STK33: variants seen among roughly 807,000 people sequenced by gnomAD.
STK33 encodes the protein serine/threonine-protein kinase 33.
STK33 carries 52 observed loss-of-function variants against 58.0 expected under a neutral mutation model. The observed-to-expected ratio is 0.90, with a 90% confidence interval of 0.72 to 1.13. The LOEUF (loss-of-function observed/expected upper bound fraction) is 1.13, where lower values mean the gene tolerates loss of function less well. STK33 is among the 50% of genes most tolerant of loss of function. The pLI, the probability that STK33 is intolerant of heterozygous loss-of-function variation, is 0.00. For missense variants in STK33, 630 were observed against 604.2 expected (o/e 1.04, Z -0.45); for synonymous variants, 215 against 200.1 (o/e 1.07, Z -0.63).
At chr11:8,396,799 C>A (rs1320857060) in intron 15 of STK33, among the ~76,000 whole-genome samples, 1 of 152,208 alleles carries the variant, frequency 6.6e-6, no homozygotes, top group Non-Finnish European at 1.5e-5. Context: ...TAGCAAACAG[C>A]ACACCAGGAG....
chr11:8,394,962 T>G (rs969633472), intron 15 of STK33, among the ~76,000 whole-genome samples: 5 of 152,200 alleles, frequency 3.3e-5, no homozygotes, highest in African/African-American at 1.2e-4. Flanking sequence ...CCTAGTTAAC[T>G]GAGCTCTGCC....
chr11:8,477,848 T>C (rs1181663494), intron 2 of STK33, among the ~76,000 whole-genome samples: 1 of 152,196 alleles, frequency 6.6e-6, no homozygotes. Flanking sequence ...GGTAGCTATA[T>C]GCATAAAGCA....
chr11:8,382,370 T>A, the STK33 span, among the ~76,000 whole-genome samples: 1 of 152,142 alleles, frequency 6.6e-6, no homozygotes, highest in Non-Finnish European at 1.5e-5. Flanking sequence ...GGCAAGGACA[T>A]CAGAAATGAT....
Position 8,413,675 on chromosome 11 carries a change from C to A in STK33, c.1164G>T (p.Ser388=). Residue 388 remains serine (S), a synonymous_variant, in exon 15 of 16, where the codon TCG becomes TCT. Transcript: ENST00000687296. The stretch of plus-strand genomic sequence containing the variant: ...TCTCTAATACATTGGTTGGTCTCAC[C>A]GAAGAAAGTTTATTGCCCTAATATT... ...NQWLTGNKLS[S]VRPTNVLEMM... is the part of the protein sequence containing the mutation. 2 of 1,613,520 alleles carry A rather than the reference C, an allele frequency of 1.2e-6. No individual in the cohort carries two copies. The highest frequency in any genetic ancestry group is 2.2e-5 in the South Asian group (2 of 91,018).
intron 15 of STK33, among the ~76,000 whole-genome samples, chr11:8,400,715 A>G (rs1368915964): frequency 6.6e-6 from 1 of 152,232 alleles, no homozygotes; most frequent in Non-Finnish European, 1.5e-5. Flanking sequence ...GTATATCTAG[A>G]AAACCCCATT....
chr11:8,400,350 C>T lies in STK33; in HGVS notation c.1345-7640G>A, dbSNP rs1443298304. Among the ~76,000 whole-genome samples, 270 of 152,262 alleles carry T rather than the reference C, an allele frequency of 1.8e-3. 6 individuals carry two copies. The highest frequency in any genetic ancestry group is 2.4e-4 in the Non-Finnish European group (16 of 68,016). On this transcript the variant is annotated intron_variant, in intron 15 of 15. Coordinates refer to ENST00000687296, the MANE Select transcript of STK33 (RefSeq NM_001352389.2). ...CAATAAACGTAATCCAGCATATAAA[C>T]AGAACCAATGACAAAAACCATATGA... is the stretch of plus-strand genomic sequence containing the variant.
chr11:8,335,908 C>T, the STK33 span, among the ~76,000 whole-genome samples: 1 of 152,222 alleles, frequency 6.6e-6, no homozygotes, highest in Non-Finnish European at 1.5e-5. Flanking sequence ...TCCACGGCTA[C>T]ACGCGGCTAT....
chr11:8,351,326 C>T, the STK33 span, among the ~76,000 whole-genome samples: 2 of 152,204 alleles, frequency 1.3e-5, no homozygotes, highest in South Asian at 4.1e-4. Flanking sequence ...TTTAATGTCT[C>T]CCCACCCTGC....
chr11:8,357,197 C>T, the STK33 span, among the ~76,000 whole-genome samples: 10 of 152,252 alleles, frequency 6.6e-5, no homozygotes, highest in African/African-American at 1.7e-4. Flanking sequence ...TTAAAGAATT[C>T]GTCCTCTTGC....
At position 8,392,358 on chromosome 11, in the gene STK33, C is replaced by A; in HGVS notation, c.*152G>T. On this transcript the variant is annotated 3_prime_UTR_variant, in exon 16 of 16. Transcript: ENST00000687296. Reference sequence around the variant, plus strand: ...ATGCTGCTTTGGAGATAAGCAGCTTCAATTTTAAGCTGGTGCAAACACATG... The same window carrying A: ...ATGCTGCTTTGGAGATAAGCAGCTTAAATTTTAAGCTGGTGCAAACACATG... 3 of 891,524 alleles carry A rather than the reference C, an allele frequency of 3.4e-6. No homozygotes were observed. The highest frequency in any genetic ancestry group is 5.3e-6 in the Non-Finnish European group (3 of 570,564). 55.2% of individuals were successfully genotyped at this position (891,524 alleles called of 1,614,324 possible). A position where few individuals can be genotyped will look rare whatever the true frequency, so the allele number is the denominator to read the frequency against.
At chr11:8,455,064 G>A (rs1416309783) in intron 9 of STK33, among the ~76,000 whole-genome samples, 3 of 152,118 alleles carry the variant, frequency 2.0e-5, no homozygotes, top group African/African-American at 7.2e-5. Flanking sequence ...TGTGACCCCA[G>A]CTGGCTGCTC....
the STK33 span, among the ~76,000 whole-genome samples, chr11:8,340,401 C>T: frequency 6.6e-6 from 1 of 152,214 alleles, no homozygotes; most frequent in Non-Finnish European, 1.5e-5. Flanking sequence ...CAGTGCCTGC[C>T]ATGAAATGAT....
rs370774766 is a variant in STK33, at chr11:8,441,231, C to T, written c.872-478G>A. Among the ~76,000 whole-genome samples the T allele has an allele frequency of 1.6e-3, 243 of 152,204 alleles. 2 individuals are homozygous for T. The highest frequency in any genetic ancestry group is 5.7e-3 in the African/African-American group (237 of 41,532). On this transcript the variant is annotated intron_variant, in intron 11 of 15. Coordinates refer to ENST00000687296, the MANE Select transcript of STK33 (RefSeq NM_001352389.2). ...CATCACTCCTATAACAGAATATGAA[C>T]TATTTTCTGCATTTTCAAATAAGAA...
rs367593660 is a variant in STK33, at chr11:8,562,190, CT to C, written c.-466+31892del. On this transcript the variant is annotated intron_variant, in intron 1 of 15. Transcript: ENST00000687296. ...TGCATGCTTAGAGTAAAGCAGTTAA[CT>C]AGCTTTGGTTTGCTAATTTATTAGT... Among the ~76,000 whole-genome samples the C allele has an allele frequency of 2.4e-3, 361 of 152,306 alleles. 3 individuals carry two copies. The highest frequency in any genetic ancestry group is 8.3e-3 in the African/African-American group (343 of 41,558).
the STK33 span, among the ~76,000 whole-genome samples, chr11:8,375,345 A>AT: frequency 6.6e-6 from 1 of 152,204 alleles, no homozygotes; most frequent in Non-Finnish European, 1.5e-5. Flanking sequence ...AAACATTTCT[A>AT]TCCCATGGCT....
intron 1 of STK33, among the ~76,000 whole-genome samples, chr11:8,580,383 A>G (rs1383477489): frequency 6.6e-6 from 1 of 152,092 alleles, no homozygotes; most frequent in African/African-American, 2.4e-5. Flanking sequence ...AAAAACATCA[A>G]ATGTTCTCAC....
the STK33 span, among the ~76,000 whole-genome samples, chr11:8,369,218 TATC>T: frequency 5.3e-5 from 8 of 152,080 alleles, no homozygotes; most frequent in Non-Finnish European, 1.0e-4. Flanking sequence ...TATGAACACT[TATC>T]ATCTCTGGGT....
At chr11:8,402,698 A>G (rs1564863045) in intron 15 of STK33, among the ~76,000 whole-genome samples, 2 of 152,240 alleles carry the variant, frequency 1.3e-5, no homozygotes, top group African/African-American at 2.4e-5. Flanking sequence ...CGGATGCTGA[A>G]TGGCCACCAT....
intron 1 of STK33, among the ~76,000 whole-genome samples, chr11:8,515,782 C>A (rs977172411): frequency 6.6e-6 from 1 of 152,094 alleles, no homozygotes; most frequent in African/African-American, 2.4e-5. Context: ...AAATTCAACA[C>A]TTTTTCATGA....
Sources: gnomAD v4.1 joint callset for allele counts (sites outside exome capture counted in the v4.1 genomes callset) on GRCh38, gnomAD v4.1.1 for gene constraint, MANE v1.5 for transcripts, NCBI Gene and HGNC (gene_info 2026-07-23, HGNC 2026-07-21) for gene names.